IDO2: variants seen among roughly 807,000 people sequenced by gnomAD.
IDO2 encodes indoleamine 2,3-dioxygenase-like 1 protein.
In IDO2, 46 loss-of-function variants were observed where a neutral mutation model predicts 45.1. That is an observed-to-expected ratio of 1.02 (90% CI 0.80 to 1.30). The LOEUF (loss-of-function observed/expected upper bound fraction) is 1.30, where lower values mean the gene tolerates loss of function less well. Ranked by LOEUF, IDO2 falls within the 50% of genes most tolerant of loss-of-function variation. The pLI is 0.00. For missense variants in IDO2, 544 were observed against 491.8 expected, an observed-to-expected ratio of 1.11 and a Z score of -1.00; for synonymous variants, 218 against 184.9, an observed-to-expected ratio of 1.18 and a Z score of -1.45.
At chr8:39,984,320 C>A (rs141852665) in intron 5 of IDO2, among the ~76,000 whole-genome samples, 339 of 152,208 alleles carry the variant, frequency 2.2e-3, no homozygotes, top group African/African-American at 7.8e-3. Flanking sequence ...ACTAAAAATA[C>A]AAAAATTAGC....
At chr8:39,938,448 T>C (rs1312740796) in intron 1 of IDO2, among the ~76,000 whole-genome samples, 1 of 152,158 alleles carries the variant, frequency 6.6e-6, no homozygotes, top group Non-Finnish European at 1.5e-5. Flanking sequence ...AGTAATATAC[T>C]AATAAACTCA....
At chr8:39,972,759 G>A (rs1273563056) in intron 3 of IDO2, among the ~76,000 whole-genome samples, 1 of 151,854 alleles carries the variant, frequency 6.6e-6, no homozygotes, top group Admixed American at 6.6e-5. Flanking sequence ...CCAACCTTCA[G>A]CAACCAACAT....
At chr8:39,979,234 G>A (rs1193161454) in intron 4 of IDO2, 48 bp downstream of exon 4, 11 of 1,551,572 alleles carry the variant, frequency 7.1e-6, no homozygotes, top group African/African-American at 1.4e-5. Context: ...GGTTACCTGC[G>A]CCTGGAGTAA....
intron 3 of IDO2, among the ~76,000 whole-genome samples, chr8:39,977,871 G>A (rs896328738): frequency 6.6e-6 from 1 of 152,132 alleles, no homozygotes; most frequent in Non-Finnish European, 1.5e-5. Flanking sequence ...TTTTGATACA[G>A]GCATGCAACA....
chr8:40,003,602 G>T (rs1320034166), intron 8 of IDO2, among the ~76,000 whole-genome samples: 1 of 151,828 alleles, frequency 6.6e-6, no homozygotes, highest in Non-Finnish European at 1.5e-5. Flanking sequence ...CTAGCACCTT[G>T]GTAAACACTA....
chr8:39,939,479 G>A (rs1426088529), intron 1 of IDO2, among the ~76,000 whole-genome samples: 3 of 149,022 alleles, frequency 2.0e-5, no homozygotes, highest in Non-Finnish European at 4.4e-5. Flanking sequence ...CCCGGGAGGC[G>A]GAGGCTGCAG....
intron 2 of IDO2, among the ~76,000 whole-genome samples, chr8:39,952,623 G>A (rs1807829241): frequency 6.6e-6 from 1 of 152,168 alleles, no homozygotes; most frequent in Non-Finnish European, 1.5e-5. Flanking sequence ...CCCTACGTGT[G>A]TAGAGGGGGC....
At chr8:40,004,173 G>C (rs568739312) in intron 8 of IDO2, among the ~76,000 whole-genome samples, 4 of 152,152 alleles carry the variant, frequency 2.6e-5, no homozygotes, top group African/African-American at 7.2e-5. Context: ...AAAATCTAGC[G>C]CATGGGGCAT....
intron 3 of IDO2, among the ~76,000 whole-genome samples, chr8:39,971,145 G>A (rs531544167): frequency 6.6e-6 from 1 of 152,274 alleles, no homozygotes; most frequent in Admixed American, 6.5e-5. Flanking sequence ...AGTGCAGCTG[G>A]TGACTTTAAG....
intron 2 of IDO2, among the ~76,000 whole-genome samples, chr8:39,959,048 A>G (rs901434007): frequency 2.6e-5 from 4 of 151,848 alleles, no homozygotes; most frequent in Non-Finnish European, 5.9e-5. Context: ...TGTTTTCTGT[A>G]CTTCTTAGTA....
intron 1 of IDO2, among the ~76,000 whole-genome samples, chr8:39,946,362 C>A (rs1190377153): frequency 6.6e-6 from 1 of 152,224 alleles, no homozygotes; most frequent in Non-Finnish European, 1.5e-5. Context: ...GTAATCCCAG[C>A]ACTTTGGGAG....
At chr8:39,937,080 A>C (rs1163647163) in intron 1 of IDO2, among the ~76,000 whole-genome samples, 1 of 152,244 alleles carries the variant, frequency 6.6e-6, no homozygotes, top group African/African-American at 2.4e-5. Context: ...GCACAGCTAC[A>C]ACTTTGGGAC....
In IDO2 at chr8:39,971,007, A is replaced by G. The variant is rs539213351; in HGVS notation, c.195+7304A>G. 1.5e-4 allele frequency among the ~76,000 whole-genome samples: 22 copies of G among 151,338 alleles called. No individual in the cohort carries two copies. The South Asian group carries it at 3.3e-3, about 23-fold the overall frequency. ...GTCTCTATCTCTGACCTCGTGATCC[A>G]CCCCCCTTGGCCTCCCAAAGTGCTG... is the stretch of plus-strand genomic sequence containing the variant. On this transcript the variant is annotated intron_variant, in intron 3 of 10. Coordinates refer to ENST00000502986, the Ensembl canonical transcript of IDO2.
chr8:39,947,023 G>C (rs1351162755), intron 1 of IDO2, among the ~76,000 whole-genome samples: 2 of 151,912 alleles, frequency 1.3e-5, no homozygotes, highest in African/African-American at 4.8e-5. Context: ...TGGCGTGGTG[G>C]TGGGTGCCTA....
chr8:39,971,415 G>A (rs918754296), intron 3 of IDO2, among the ~76,000 whole-genome samples: 4 of 152,174 alleles, frequency 2.6e-5, no homozygotes, highest in African/African-American at 9.7e-5. Flanking sequence ...GGAAATAAAT[G>A]TTGTTTTCAT....
chr8:39,958,542 G>A (rs369276723), intron 2 of IDO2, among the ~76,000 whole-genome samples: 2 of 152,206 alleles, frequency 1.3e-5, no homozygotes, highest in Non-Finnish European at 2.9e-5. Flanking sequence ...GATTACAGAC[G>A]TCTGCCACCA....
At chr8:40,005,859 C>T (rs1031739346) in intron 9 of IDO2, among the ~76,000 whole-genome samples, 1 of 152,116 alleles carries the variant, frequency 6.6e-6, no homozygotes, top group East Asian at 1.9e-4. Context: ...GTGAGGTATT[C>T]GAAGGTGGGT....
At chr8:39,946,158 G>A (rs1807725442) in intron 1 of IDO2, among the ~76,000 whole-genome samples, 1 of 152,168 alleles carries the variant, frequency 6.6e-6, no homozygotes, top group Non-Finnish European at 1.5e-5. Context: ...TGGATCAGGT[G>A]GCACCACCCA....
At chr8:39,995,251 C>CTTCTTCTTCTTCTTCTTCTT (rs1554548609) in intron 8 of IDO2, 1 of 78,030 alleles carries the variant, frequency 1.3e-5, no homozygotes. Context: ...TTCTCCTTCT[C>CTTCTTCTTCTTCTTCTTCTT]CTTCTTCTTC....
Sources: gnomAD v4.1 joint callset for allele counts (sites outside exome capture counted in the v4.1 genomes callset) on GRCh38, gnomAD v4.1.1 for gene constraint, MANE v1.5 for transcripts, NCBI Gene and HGNC (gene_info 2026-07-23, HGNC 2026-07-21) for gene names.